TMEM33: variants seen among roughly 807,000 people sequenced by gnomAD.
The protein encoded by TMEM33 is transmembrane protein 33.
Under a neutral mutation model 29.7 loss-of-function variants are expected in TMEM33, and 16 were observed. That is an observed-to-expected ratio of 0.54 (90% confidence interval 0.36 to 0.82). TMEM33 has a LOEUF of 0.82. TMEM33 is among the 40% of genes least tolerant of loss of function. The pLI is 0.00. For missense variants in TMEM33, 252 were observed against 295.3 expected (o/e 0.85, Z 1.08); for synonymous variants, 112 against 109.4 (o/e 1.02, Z -0.15).
chr4:41,960,526 T>C lies in TMEM33; in HGVS notation c.*6327T>C, dbSNP rs1713425628. The C allele has an allele frequency of 6.6e-6, 1 of 152,204 alleles. No individual in the cohort carries two copies. Among genetic ancestry groups the C allele is most frequent in the East Asian group, 1.9e-4 (1 of 5,198 alleles). The allele number at this position is 152,204 out of a possible 1,614,324, so 9.4% of individuals were successfully genotyped here. A position where few individuals can be genotyped will look rare whatever the true frequency, so the allele number is the denominator to read the frequency against. On this transcript the variant is annotated 3_prime_UTR_variant, in exon 7 of 7. Coordinates refer to ENST00000504986, the MANE Select transcript of TMEM33 (RefSeq NM_018126.3). Reference sequence around the variant, plus strand: ...ATCTAAGATTTTATTGATGTTAAAATCTAATTGTGGAATAAAAATCTCTCT... The same window carrying C: ...ATCTAAGATTTTATTGATGTTAAAACCTAATTGTGGAATAAAAATCTCTCT...
Position 41,959,099 on chromosome 4 carries a change from A to T in TMEM33, c.*4900A>T, listed in dbSNP as rs956168536. ...AGAGCCTATATGATATTATAGCTCA[A>T]CATTTAGTATACCAAAGGCATACCC... On this transcript the variant is annotated 3_prime_UTR_variant, in exon 7 of 7. Coordinates refer to ENST00000504986, the MANE Select transcript of TMEM33 (RefSeq NM_018126.3). 1.1e-4 allele frequency: 16 copies of T among 152,210 alleles called. No individual in the cohort carries two copies. The highest frequency in any genetic ancestry group is 3.3e-4 in the Admixed American group (5 of 15,284). The allele number at this position is 152,210 out of a possible 1,614,324, so 9.4% of individuals were successfully genotyped here. A position where few individuals can be genotyped will look rare whatever the true frequency, so the allele number is the denominator to read the frequency against.
In TMEM33 at chr4:41,955,013, A is replaced by G. The variant is rs1039009635; in HGVS notation, c.*814A>G. The G allele has an allele frequency of 6.5e-6, 1 of 152,780 alleles. No homozygotes were observed. Among genetic ancestry groups the G allele is most frequent in the Non-Finnish European group, 1.5e-5 (1 of 68,022 alleles). The allele number at this position is 152,780 out of a possible 1,614,324, so 9.5% of individuals were successfully genotyped here. A position where few individuals can be genotyped will look rare whatever the true frequency, so the allele number is the denominator to read the frequency against. On this transcript the variant is annotated 3_prime_UTR_variant, in exon 7 of 7. Coordinates refer to ENST00000504986, the MANE Select transcript of TMEM33 (RefSeq NM_018126.3). Reference sequence around the variant, plus strand: ...CGTATTATAGTTTGTAGAACTACCTAGTTCAGAATCTTGACTGCCAGTTTT... The same window carrying G: ...CGTATTATAGTTTGTAGAACTACCTGGTTCAGAATCTTGACTGCCAGTTTT...
intron 3 of TMEM33, among the ~76,000 whole-genome samples, chr4:41,941,336 A>T: frequency 6.6e-6 from 1 of 152,256 alleles, no homozygotes; most frequent in South Asian, 2.1e-4. Flanking sequence ...CAATGTTAAA[A>T]TTCTAGCCTT....
At chr4:41,949,086 T>C (rs1384066951) in intron 5 of TMEM33, among the ~76,000 whole-genome samples, 1 of 152,152 alleles carries the variant, frequency 6.6e-6, no homozygotes, top group Non-Finnish European at 1.5e-5. Flanking sequence ...AGAATACATT[T>C]ATAAAAAAAT....
chr4:41,939,825 G>A (rs901950087), intron 3 of TMEM33: 8 of 456,004 alleles, frequency 1.8e-5, no homozygotes, highest in Admixed American at 1.2e-4. Flanking sequence ...ACTTATTTAA[G>A]CAGGTAATGA....
Position 41,943,693 on chromosome 4 carries a change from G to A in TMEM33, c.329-54G>A, listed in dbSNP as rs575043047. Reference sequence around the variant, plus strand: ...TATATTTGGACATAATACATAGTCTGTTTTGCAGAATACTTGATGACTTTT... The same window carrying A: ...TATATTTGGACATAATACATAGTCTATTTTGCAGAATACTTGATGACTTTT... On this transcript the variant is annotated intron_variant, in intron 3 of 6. Coordinates refer to ENST00000504986, the MANE Select transcript of TMEM33 (RefSeq NM_018126.3). The A allele has an allele frequency of 2.0e-6, 3 of 1,515,954 alleles. No individual in the cohort carries two copies. The South Asian group carries it at 3.4e-5, about 17-fold the overall frequency. 93.9% of individuals were successfully genotyped at this position (1,515,954 alleles called of 1,614,324 possible). A position where few individuals can be genotyped will look rare whatever the true frequency, so the allele number is the denominator to read the frequency against.
intron 6 of TMEM33, 137 bp downstream of exon 6, chr4:41,949,522 A>G: frequency 1.5e-6 from 1 of 679,614 alleles, no homozygotes; most frequent in Non-Finnish European, 2.4e-6. Flanking sequence ...TTTAAGTTCT[A>G]GGCCTTAGAA....
chr4:41,936,067 A>G (rs915898495), intron 1 of TMEM33, among the ~76,000 whole-genome samples: 1 of 152,258 alleles, frequency 6.6e-6, no homozygotes, highest in Non-Finnish European at 1.5e-5. Context: ...CTAACAAGTT[A>G]TTTGTGCCCG....
chr4:41,935,165 C>T (rs747744496), upstream of TMEM33: 10 of 468,098 alleles, frequency 2.1e-5, no homozygotes, highest in East Asian at 3.5e-4. Context: ...AACCTGGAGC[C>T]GGCGGCGTAG....
At chr4:41,944,450 A>G (rs1452078785) in intron 4 of TMEM33, among the ~76,000 whole-genome samples, 1 of 152,216 alleles carries the variant, frequency 6.6e-6, no homozygotes, top group Non-Finnish European at 1.5e-5. Context: ...TTAGCTAAGA[A>G]AGGAGTCACA....
At chr4:41,944,659 A>C in intron 4 of TMEM33, 134 bp from the exon 5 acceptor site, 2 of 1,024,024 alleles carry the variant, frequency 2.0e-6, no homozygotes, top group Non-Finnish European at 2.8e-6. Flanking sequence ...ATAGTTTGTG[A>C]ACTTCGTACC....
chr4:41,959,032 C>T lies in TMEM33; in HGVS notation c.*4833C>T, dbSNP rs1713383316. On this transcript the variant is annotated 3_prime_UTR_variant, in exon 7 of 7. Coordinates refer to ENST00000504986, the MANE Select transcript of TMEM33 (RefSeq NM_018126.3). ...TAAGCCTGGCTGAGACAACTAGTTT[C>T]CCTTAACTCATTGGAATTCTCTAGG... 1 of 152,002 alleles carries T rather than the reference C, an allele frequency of 6.6e-6. No individual in the cohort carries two copies. The highest frequency in any genetic ancestry group is 2.4e-5 in the African/African-American group (1 of 41,404). The allele number at this position is 152,002 out of a possible 1,614,324, so 9.4% of individuals were successfully genotyped here. A position where few individuals can be genotyped will look rare whatever the true frequency, so the allele number is the denominator to read the frequency against.
At position 41,956,689 on chromosome 4, in the gene TMEM33, T is replaced by C. The variant is rs1713290037; in HGVS notation, c.*2490T>C. ...CTCTGTGCTTTAAATTGAGGTTTTA[T>C]GTCATTTTAGCAGAATTATAATATT... On this transcript the variant is annotated 3_prime_UTR_variant, in exon 7 of 7. Coordinates refer to ENST00000504986, the MANE Select transcript of TMEM33 (RefSeq NM_018126.3). The C allele has an allele frequency of 6.6e-6, 1 of 152,222 alleles. No individual in the cohort carries two copies. Among genetic ancestry groups the C allele is most frequent in the African/African-American group, 2.4e-5 (1 of 41,468 alleles). The allele number at this position is 152,222 out of a possible 1,614,324, so 9.4% of individuals were successfully genotyped here.
At chr4:41,950,230 A>G (rs1483070149) in intron 6 of TMEM33, among the ~76,000 whole-genome samples, 4 of 152,186 alleles carry the variant, frequency 2.6e-5, no homozygotes, top group Non-Finnish European at 5.9e-5. Context: ...TAAATTATGC[A>G]TTCTGATCTC....
intron 3 of TMEM33, chr4:41,939,740 A>G (rs914112976): frequency 8.7e-6 from 4 of 458,458 alleles, no homozygotes; most frequent in Non-Finnish European, 1.7e-5. Context: ...GTCTTGCTTT[A>G]AAAAAGAGAG....
At chr4:41,940,203 T>C (rs2153126621) in intron 3 of TMEM33, among the ~76,000 whole-genome samples, 1 of 152,242 alleles carries the variant, frequency 6.6e-6, no homozygotes, top group East Asian at 1.9e-4. Context: ...GTGGCTTTGG[T>C]ATTCTAACGT....
chr4:41,935,639 T>C, intron 1 of TMEM33, 110 bp downstream of exon 1: 1 of 1,134,420 alleles, frequency 8.8e-7, no homozygotes, highest in Non-Finnish European at 1.3e-6. Context: ...AGGAATGGGA[T>C]TAATGAGTTG....
At chr4:41,939,790 A>C (rs571599209) in intron 3 of TMEM33, 3 of 456,742 alleles carry the variant, frequency 6.6e-6, no homozygotes, top group Non-Finnish European at 1.3e-5. Flanking sequence ...TGAACTAGAT[A>C]CAAATGGAAT....
At chr4:41,949,732 A>C (rs917530650) in intron 6 of TMEM33, among the ~76,000 whole-genome samples, 8 of 152,184 alleles carry the variant, frequency 5.3e-5, no homozygotes, top group African/African-American at 1.7e-4. Context: ...AGAATTCACA[A>C]GCCAATAGAT....
Sources: gnomAD v4.1 joint callset for allele counts (sites outside exome capture counted in the v4.1 genomes callset) on GRCh38, gnomAD v4.1.1 for gene constraint, MANE v1.5 for transcripts, NCBI Gene and HGNC (gene_info 2026-07-23, HGNC 2026-07-21) for gene names.